GABRG3: variants seen among roughly 807,000 people sequenced by gnomAD.
GABRG3 encodes the protein gamma-aminobutyric acid receptor subunit gamma-3.
Under a neutral mutation model 48.8 loss-of-function variants are expected in GABRG3, and 25 were observed. That is an observed-to-expected ratio of 0.51 (90% confidence interval 0.37 to 0.72). The LOEUF is 0.72. GABRG3 is among the 30% of genes least tolerant of loss of function. The pLI is 0.00. For synonymous variants in GABRG3, 227 were observed against 217.6 expected (o/e 1.04, Z -0.38); for missense variants, 394 against 577.9 (o/e 0.68, Z 3.26).
intron 5 of GABRG3, among the ~76,000 whole-genome samples, chr15:27,458,919 C>T (rs1889367804): frequency 6.6e-6 from 1 of 152,214 alleles, no homozygotes; most frequent in South Asian, 2.1e-4. Flanking sequence ...TGGTCAGTGT[C>T]TCTGTCCCGT....
chr15:27,476,780 G>A (rs963880259), intron 5 of GABRG3, among the ~76,000 whole-genome samples: 3 of 152,228 alleles, frequency 2.0e-5, no homozygotes, highest in Admixed American at 6.5e-5. Context: ...AAAAATAGTG[G>A]CCAAAAATTT....
chr15:27,419,781 G>C (rs1037157540), intron 5 of GABRG3, among the ~76,000 whole-genome samples: 1 of 152,104 alleles, frequency 6.6e-6, no homozygotes, highest in African/African-American at 2.4e-5. Context: ...CGGAAGGGTG[G>C]CTCAAAACCA....
intron 3 of GABRG3, among the ~76,000 whole-genome samples, chr15:27,245,050 T>C (rs1449521626): frequency 6.6e-6 from 1 of 151,978 alleles, no homozygotes; most frequent in African/African-American, 2.4e-5. Flanking sequence ...GATGAGGTGA[T>C]AGTGCTGGAC....
At chr15:27,303,669 C>G (rs1892289757) in intron 3 of GABRG3, among the ~76,000 whole-genome samples, 1 of 151,142 alleles carries the variant, frequency 6.6e-6, no homozygotes, top group South Asian at 2.1e-4. Context: ...AAAAAGAAAA[C>G]TACACAATAT....
At chr15:27,483,862 C>G (rs1890155640) in intron 6 of GABRG3, among the ~76,000 whole-genome samples, 1 of 152,230 alleles carries the variant, frequency 6.6e-6, no homozygotes, top group South Asian at 2.1e-4. Context: ...CTCAGCTATT[C>G]TCCAAGGACA....
At chr15:27,165,315 C>T (rs967092932) in intron 3 of GABRG3, among the ~76,000 whole-genome samples, 2 of 152,282 alleles carry the variant, frequency 1.3e-5, no homozygotes, top group African/African-American at 2.4e-5. Context: ...CAGCATTCCA[C>T]CTCCGCCCAG....
At chr15:27,015,064 T>TGTCCA (rs1895753325) in intron 2 of GABRG3, among the ~76,000 whole-genome samples, 1 of 152,234 alleles carries the variant, frequency 6.6e-6, no homozygotes. Context: ...AAATCTCTTT[T>TGTCCA]GTCCAATACA....
rs1888981226 is a variant in GABRG3, at chr15:27,447,626, A to G, written c.575-33024A>G. On this transcript the variant is annotated intron_variant, in intron 5 of 9. Transcript: ENST00000615808. The surrounding 1 kb of genome is among the most constrained non-coding windows in gnomAD (Gnocchi z 4.0). Reference sequence around the variant, plus strand: ...GCTGATGATGAGATAAAAGGACTGGATAAAGAAAACATGGCACATATACAC... The same window carrying G: ...GCTGATGATGAGATAAAAGGACTGGGTAAAGAAAACATGGCACATATACAC... Among the ~76,000 whole-genome samples, 1 of 152,328 alleles carries G rather than the reference A, an allele frequency of 6.6e-6. No homozygotes were observed. Among genetic ancestry groups the G allele is most frequent in the Non-Finnish European group, 1.5e-5 (1 of 68,024 alleles).
intron 2 of GABRG3, among the ~76,000 whole-genome samples, chr15:27,019,842 A>T (rs1895855549): frequency 6.6e-6 from 1 of 152,200 alleles, no homozygotes; most frequent in East Asian, 1.9e-4. Context: ...TCATCTTCTG[A>T]AAATTCATGT....
At chr15:27,089,420 C>G (rs1479199983) in intron 3 of GABRG3, among the ~76,000 whole-genome samples, 1 of 152,134 alleles carries the variant, frequency 6.6e-6, no homozygotes, top group Non-Finnish European at 1.5e-5. Context: ...TGTCCACATT[C>G]TAAGTCTAGT....
In GABRG3 at chr15:27,539,867, A is replaced by G. The variant is rs1031383003; in HGVS notation, c.*6986A>G. On this transcript the variant is annotated 3_prime_UTR_variant, in exon 10 of 10. Transcript: ENST00000615808. ...ACTCCTTCCAATGTAATTAAAAAAT[A>G]AGTAATGTGGCAAAAGATGCACATA... 2.6e-5 allele frequency: 4 copies of G among 151,646 alleles called. No individual in the cohort carries two copies. The highest frequency in any genetic ancestry group is 9.8e-5 in the African/African-American group (4 of 40,878). 9.4% of individuals were successfully genotyped at this position (151,646 alleles called of 1,614,324 possible).
chr15:27,051,306 A>G lies in GABRG3; in HGVS notation c.270+24485A>G, dbSNP rs74006561. 9.8e-3 allele frequency among the ~76,000 whole-genome samples: 1,487 copies of G among 152,250 alleles called. 29 individuals are homozygous for G. Among genetic ancestry groups the G allele is most frequent in the African/African-American group, 0.033 (1,388 of 41,550 alleles). On this transcript the variant is annotated intron_variant, in intron 3 of 9. Transcript: ENST00000615808. Reference sequence around the variant, plus strand: ...TGATTTTATTTTTTTTATTGAGGTTATGTCCCTCCAAAATGCATCTATCCA... The same window carrying G: ...TGATTTTATTTTTTTTATTGAGGTTGTGTCCCTCCAAAATGCATCTATCCA...
chr15:27,165,064 T>C (rs752939136), intron 3 of GABRG3, among the ~76,000 whole-genome samples: 1 of 152,222 alleles, frequency 6.6e-6, no homozygotes, highest in East Asian at 1.9e-4. Flanking sequence ...CTTCTGAATA[T>C]TTTTACTAGT....
chr15:27,437,796 T>C (rs941449325), intron 5 of GABRG3, among the ~76,000 whole-genome samples: 2 of 152,188 alleles, frequency 1.3e-5, no homozygotes, highest in Non-Finnish European at 2.9e-5. Context: ...ACAGGAAGCA[T>C]GGCACCAGCA....
At chr15:26,986,012 A>T (rs1379989974) in intron 2 of GABRG3, among the ~76,000 whole-genome samples, 1 of 152,116 alleles carries the variant, frequency 6.6e-6, no homozygotes, top group Non-Finnish European at 1.5e-5. Flanking sequence ...TAGGTGCCCC[A>T]GGCTGGTGGC....
chr15:27,276,831 AT>A (rs1454970547), intron 3 of GABRG3, among the ~76,000 whole-genome samples: 1 of 152,182 alleles, frequency 6.6e-6, no homozygotes, highest in Non-Finnish European at 1.5e-5. Context: ...TGAGACACGT[AT>A]TTTATGTAGC....
rs183694583 is a variant in GABRG3 at position 27,304,349 on chromosome 15, G to T, written c.271-22460G>T. ...AAGTCTCCCAAAACTAATAAATGAAGTTAGTAAATCACAGGATACAAGATC... is the reference window on the plus strand; with the variant it reads ...AAGTCTCCCAAAACTAATAAATGAATTTAGTAAATCACAGGATACAAGATC... On this transcript the variant is annotated intron_variant, in intron 3 of 9. Coordinates refer to ENST00000615808, the MANE Select transcript of GABRG3 (RefSeq NM_033223.5). 6.6e-5 allele frequency among the ~76,000 whole-genome samples: 10 copies of T among 151,904 alleles called. No homozygotes were observed. In the East Asian group the frequency reaches 1.9e-3, roughly 29 times the overall value.
In GABRG3 at chr15:27,014,819, T is replaced by C. The variant is rs568884320; in HGVS notation, c.203-11935T>C. ...TAGTGTTGTTCAAGTCCTCTGTTTC[T>C]TTGCTTATCTTCTGTCTGGTTCTTT... On this transcript the variant is annotated intron_variant, in intron 2 of 9. Transcript: ENST00000615808. Among the ~76,000 whole-genome samples the C allele has an allele frequency of 3.9e-5, 6 of 152,308 alleles. No individual in the cohort carries two copies. In the East Asian group the frequency reaches 1.2e-3, roughly 29 times the overall value.
At chr15:27,056,353 C>CAAA (rs58665097) in intron 3 of GABRG3, among the ~76,000 whole-genome samples, 4 of 57,130 alleles carry the variant, frequency 7.0e-5, no homozygotes, top group South Asian at 6.5e-4. Flanking sequence ...ACCCTGTCTC[C>CAAA]AAAAAAAAAA....
Sources: gnomAD v4.1 joint callset for allele counts (sites outside exome capture counted in the v4.1 genomes callset) on GRCh38, gnomAD v4.1.1 for gene constraint, Gnocchi (gnomAD v3.1) non-coding constraint, MANE v1.5 for transcripts, NCBI Gene and HGNC (gene_info 2026-07-23, HGNC 2026-07-21) for gene names.